SUSD3: variants seen among roughly 807,000 people sequenced by gnomAD.
The protein encoded by SUSD3 is sushi domain containing 3.
In SUSD3, 18 loss-of-function variants were observed where a neutral mutation model predicts 20.6. That is an observed-to-expected ratio of 0.87 (90% CI 0.60 to 1.30). The LOEUF (loss-of-function observed/expected upper bound fraction) is 1.30. Ranked by LOEUF, SUSD3 falls within the 50% of genes most tolerant of loss-of-function variation. SUSD3 has a pLI of 0.00. For missense variants in SUSD3, 306 were observed against 346.9 expected, an observed-to-expected ratio of 0.88 and a Z score of 0.94; for synonymous variants, 137 against 141.5, an observed-to-expected ratio of 0.97 and a Z score of 0.23.
At position 93,075,953 on chromosome 9, in the gene SUSD3, A is replaced by C. The variant is rs1327222610; in HGVS notation, c.258A>C (p.Ser86=). The change falls in exon 2 of 5, where the codon TCA becomes TCC. Residue 86 remains serine (S), a synonymous_variant. Transcript: ENST00000375472. ...AGGGGAGCATCGCTGAGTGGTCTTC[A>C]GGGTCCCCAGTGTGCAAACGTAAGG... ...TWKGSIAEWS[S]GSPVCKLVPP... 3 of 1,606,852 alleles carry C rather than the reference A, an allele frequency of 1.9e-6. No individual in the cohort carries two copies. Among genetic ancestry groups the C allele is most frequent in the Non-Finnish European group, 2.6e-6 (3 of 1,175,214 alleles).
At chr9:93,072,051 T>C (rs1825931247) in intron 1 of SUSD3, among the ~76,000 whole-genome samples, 1 of 151,950 alleles carries the variant, frequency 6.6e-6, no homozygotes, top group South Asian at 2.1e-4. Context: ...AAGGTAGGGG[T>C]AGACCACCCT....
At chr9:93,069,149 G>GT (rs1327443162) in intron 1 of SUSD3, 5 of 702,760 alleles carry the variant, frequency 7.1e-6, no homozygotes, top group Non-Finnish European at 1.3e-5. Context: ...GAGATAATTT[G>GT]TAAGTTTTAC....
At chr9:93,075,731 T>TGGGGGGGGGGGGGGGGGGGGGGGGGG in intron 1 of SUSD3, 53 bp from the exon 2 acceptor site, 8 of 398,892 alleles carry the variant, frequency 2.0e-5, no homozygotes, top group Admixed American at 7.6e-5. Flanking sequence ...AGCCCTGCCC[T>TGGGGGGGGGGGGGGGGGGGGGGGGGG]GCGTGCCCAC....
chr9:93,065,903 C>T (rs1825691276), intron 1 of SUSD3, among the ~76,000 whole-genome samples: 2 of 152,222 alleles, frequency 1.3e-5, no homozygotes, highest in Non-Finnish European at 2.9e-5. Context: ...CTAGCTGTGC[C>T]ACTGGGAGCT....
Position 93,084,587 on chromosome 9 carries a change from A to T in SUSD3, c.608A>T (p.Asp203Val), listed in dbSNP as rs1378560302. Residue 203 changes from aspartate (D) to valine (V), a missense_variant, in exon 5 of 5, where the codon GAC becomes GTC. Physicochemically the swap from Asp to Val is radical, Grantham distance 152 (BLOSUM62 -3). Transcript: ENST00000375472. ...SKLASVTRSV[D>V]KDPGIPRALS... Reference sequence around the variant, plus strand: ...CTGGCCAGTGTGACCCGCAGCGTGGACAAGGACCCTGGGATCCCCAGAGCT... The same window carrying T: ...CTGGCCAGTGTGACCCGCAGCGTGGTCAAGGACCCTGGGATCCCCAGAGCT... 6.2e-7 allele frequency: 1 copy of T among 1,604,542 alleles called. No homozygotes were observed. Among genetic ancestry groups the T allele is most frequent in the Non-Finnish European group, 8.5e-7 (1 of 1,175,554 alleles).
chr9:93,066,996 C>G (rs901067190), intron 1 of SUSD3, among the ~76,000 whole-genome samples: 1 of 152,144 alleles, frequency 6.6e-6, no homozygotes, highest in East Asian at 1.9e-4. Flanking sequence ...GTGTGAGCCA[C>G]CATACCCAGC....
intron 1 of SUSD3, among the ~76,000 whole-genome samples, chr9:93,060,604 G>A (rs1171624304): frequency 6.6e-6 from 1 of 152,120 alleles, no homozygotes; most frequent in African/African-American, 2.4e-5. Context: ...GCTGAGGTGG[G>A]CGGATTGCTT....
chr9:93,060,357 G>T (rs1008908139), intron 1 of SUSD3, among the ~76,000 whole-genome samples: 1 of 152,024 alleles, frequency 6.6e-6, no homozygotes, highest in Admixed American at 6.6e-5. Context: ...CTGTATACCT[G>T]CCCCCAAGCT....
intron 2 of SUSD3, 132 bp from the exon 3 acceptor site, chr9:93,077,714 G>C (rs1181477339): frequency 1.2e-6 from 1 of 856,944 alleles, no homozygotes; most frequent in Non-Finnish European, 1.8e-6. Flanking sequence ...CATGCAAACA[G>C]GGCTCACTGA....
chr9:93,060,977 A>G (rs1027257342), intron 1 of SUSD3, among the ~76,000 whole-genome samples: 1 of 152,220 alleles, frequency 6.6e-6, no homozygotes, highest in Admixed American at 6.5e-5. Flanking sequence ...CCTGAGAGGC[A>G]GGAAGTGGTC....
intron 1 of SUSD3, among the ~76,000 whole-genome samples, chr9:93,061,155 G>T (rs547013850): frequency 2.0e-5 from 3 of 152,372 alleles, no homozygotes; most frequent in Admixed American, 2.0e-4. Context: ...GGGTTCCAGT[G>T]GCTGTAGGTA....
chr9:93,079,399 T>C (rs1826308940), intron 3 of SUSD3, 72 bp from the exon 4 acceptor site: 2 of 1,556,710 alleles, frequency 1.3e-6, no homozygotes. Context: ...TGGGCCTACA[T>C]GGAGCCTGTT....
At chr9:93,073,908 C>T (rs1826013290) in intron 1 of SUSD3, among the ~76,000 whole-genome samples, 1 of 152,166 alleles carries the variant, frequency 6.6e-6, no homozygotes, top group South Asian at 2.1e-4. Context: ...GTCTTCCCTG[C>T]AGCATAAGAG....
At chr9:93,082,500 G>A (rs530104918) in intron 4 of SUSD3, among the ~76,000 whole-genome samples, 17 of 152,100 alleles carry the variant, frequency 1.1e-4, no homozygotes, top group Non-Finnish European at 2.4e-4. Context: ...TGTATTTTTA[G>A]TAGAGACAGG....
chr9:93,076,664 C>T (rs953943405), intron 2 of SUSD3, among the ~76,000 whole-genome samples: 3 of 152,228 alleles, frequency 2.0e-5, no homozygotes, highest in East Asian at 1.9e-4. Flanking sequence ...AAAATGTTCA[C>T]GTGCTAGGTG....
chr9:93,083,711 C>T (rs1203433227), intron 4 of SUSD3, among the ~76,000 whole-genome samples: 1 of 152,220 alleles, frequency 6.6e-6, no homozygotes, highest in Non-Finnish European at 1.5e-5. Context: ...TTCGTCTCCA[C>T]CAGTTATTGA....
chr9:93,060,645 A>G lies in SUSD3; in HGVS notation c.88+1815A>G, dbSNP rs553146312. ...CAGGAGCTCGAAACCAACCTGGGTAACATAGCAAGACCCCGTATCTACAAA... is the reference window on the plus strand; with the variant it reads ...CAGGAGCTCGAAACCAACCTGGGTAGCATAGCAAGACCCCGTATCTACAAA... On this transcript the variant is annotated intron_variant, in intron 1 of 4. Transcript: ENST00000375472. Among the ~76,000 whole-genome samples, 7 of 152,204 alleles carry G rather than the reference A, an allele frequency of 4.6e-5. No individual in the cohort carries two copies. In the South Asian group the frequency reaches 1.4e-3, roughly 32 times the overall value.
intron 1 of SUSD3, among the ~76,000 whole-genome samples, chr9:93,073,838 GTGTC>G (rs1202638887): frequency 2.0e-5 from 3 of 152,140 alleles, no homozygotes; most frequent in Non-Finnish European, 4.4e-5. Flanking sequence ...TTTTGTGTGT[GTGTC>G]TGTGTGTGTA....
intron 1 of SUSD3, among the ~76,000 whole-genome samples, chr9:93,073,804 G>A (rs1826008186): frequency 6.6e-6 from 1 of 152,188 alleles, no homozygotes; most frequent in Non-Finnish European, 1.5e-5. Context: ...GCTGATATAT[G>A]CATAGCACAA....
Sources: gnomAD v4.1 joint callset for allele counts (sites outside exome capture counted in the v4.1 genomes callset) on GRCh38, gnomAD v4.1.1 for gene constraint, MANE v1.5 for transcripts, NCBI Gene and HGNC (gene_info 2026-07-23, HGNC 2026-07-21) for gene names.